Variants in CDH12 observed in about 807,000 individuals in gnomAD.
The protein encoded by CDH12 is cadherin-12.
Under a neutral mutation model 74.1 loss-of-function variants are expected in CDH12, and 41 were observed. The ratio of observed to expected loss-of-function variants is 0.55; its 90% CI spans 0.43 to 0.72. CDH12 has a LOEUF of 0.72. Ranked by LOEUF, CDH12 falls within the 30% of genes least tolerant of loss-of-function variation. CDH12 has a pLI of 0.00. For missense variants in CDH12, 945 were observed against 977.2 expected (o/e 0.97, Z 0.44); for synonymous variants, 399 against 355.0 (o/e 1.12, Z -1.39).
At chr5:22,781,596 C>A (rs182179835) in intron 1 of CDH12, among the ~76,000 whole-genome samples, 15 of 152,134 alleles carry the variant, frequency 9.9e-5, no homozygotes, top group African/African-American at 3.4e-4. Context: ...AGCTGTTATT[C>A]TCAGCAGTAA....
intron 4 of CDH12, among the ~76,000 whole-genome samples, chr5:22,164,011 C>G (rs1420332669): frequency 6.6e-6 from 1 of 152,206 alleles, no homozygotes; most frequent in African/African-American, 2.4e-5. Context: ...TCCCATGAAT[C>G]TGTAGATTCC....
chr5:21,945,945 TA>T (rs1392775001), intron 6 of CDH12, among the ~76,000 whole-genome samples: 2 of 151,462 alleles, frequency 1.3e-5, no homozygotes, highest in African/African-American at 4.9e-5. Context: ...GAGCAAATCT[TA>T]AATAGAATAC....
chr5:22,082,028 C>T (rs1207490600), intron 4 of CDH12, among the ~76,000 whole-genome samples: 1 of 152,164 alleles, frequency 6.6e-6, no homozygotes, highest in East Asian at 1.9e-4. Flanking sequence ...AGTACCGAAG[C>T]TGTTATCTGT....
chr5:22,405,373 T>C (rs1013400688), intron 2 of CDH12, 22 bp from the exon 3 acceptor site: 1 of 738,212 alleles, frequency 1.4e-6, no homozygotes, highest in African/African-American at 1.9e-5. Flanking sequence ...GTAAAGAAAA[T>C]GCTTTAAGAA....
intron 1 of CDH12, among the ~76,000 whole-genome samples, chr5:22,603,835 A>T (rs1382851350): frequency 6.6e-6 from 1 of 152,222 alleles, no homozygotes; most frequent in African/African-American, 2.4e-5. Context: ...ATCACTTTTA[A>T]GGAGCTTTCC....
chr5:22,712,079 G>A (rs1448100289), intron 1 of CDH12, among the ~76,000 whole-genome samples: 1 of 151,840 alleles, frequency 6.6e-6, no homozygotes, highest in Admixed American at 6.6e-5. Context: ...CTAACACAGT[G>A]TAGCACACAC....
At chr5:21,971,280 T>G (rs2910535) in intron 6 of CDH12, among the ~76,000 whole-genome samples, 32,801 of 151,996 alleles carry the variant, frequency 0.22, 5,026 homozygotes, top group African/African-American at 0.43. Context: ...TTCTGACTAA[T>G]TTGGTTCTAA....
chr5:22,156,195 A>G (rs1316776550), intron 4 of CDH12, among the ~76,000 whole-genome samples: 1 of 152,176 alleles, frequency 6.6e-6, no homozygotes, highest in Non-Finnish European at 1.5e-5. Context: ...TACATGTCTC[A>G]TCAGAAGTCA....
At chr5:22,725,822 TA>T (rs1370131382) in intron 1 of CDH12, among the ~76,000 whole-genome samples, 1 of 151,712 alleles carries the variant, frequency 6.6e-6, no homozygotes, top group African/African-American at 2.4e-5. Flanking sequence ...CACCAGAAAC[TA>T]AATTGAGGTC....
intron 6 of CDH12, among the ~76,000 whole-genome samples, chr5:21,914,283 A>T (rs1451318354): frequency 6.6e-6 from 1 of 152,200 alleles, no homozygotes; most frequent in African/African-American, 2.4e-5. Context: ...GAGGATATTA[A>T]ATAGTTTATA....
chr5:22,030,370 G>C (rs541564690), intron 5 of CDH12, among the ~76,000 whole-genome samples: 3 of 152,122 alleles, frequency 2.0e-5, no homozygotes, highest in Non-Finnish European at 4.4e-5. Flanking sequence ...GTATTAGCAG[G>C]CATGAAAACA....
At chr5:21,917,109 G>A (rs915469727) in intron 6 of CDH12, among the ~76,000 whole-genome samples, 1 of 152,082 alleles carries the variant, frequency 6.6e-6, no homozygotes, top group African/African-American at 2.4e-5. Flanking sequence ...TTTCAGGTGT[G>A]GTTTAAGTAC....
chr5:22,204,789 T>C (rs1279284441), intron 4 of CDH12, among the ~76,000 whole-genome samples: 1 of 152,226 alleles, frequency 6.6e-6, no homozygotes, highest in Non-Finnish European at 1.5e-5. Flanking sequence ...TCTCTTTTCC[T>C]GTCTGTCTAA....
chr5:21,967,894 A>G (rs970389334), intron 6 of CDH12, among the ~76,000 whole-genome samples: 14 of 152,184 alleles, frequency 9.2e-5, no homozygotes. Context: ...GCTCAATTTC[A>G]TCAAAAGTGT....
Position 21,792,618 on chromosome 5 carries a change from T to C in CDH12, c.1257-9124A>G, listed in dbSNP as rs113848125. On this transcript the variant is annotated intron_variant, in intron 10 of 14. Transcript: ENST00000382254. ...CTGCCCTTTTTTTTTTTTTTTTTTT[T>C]CTTGGAACAGTCATACACGGTTTCT... Among the ~76,000 whole-genome samples, 966 of 108,068 alleles carry C rather than the reference T, an allele frequency of 8.9e-3. 2 individuals are homozygous for C. Among genetic ancestry groups the C allele is most frequent in the Non-Finnish European group, 0.015 (689 of 45,988 alleles). The allele number at this position is 108,068 out of a possible 152,430, so 70.9% of individuals were successfully genotyped here.
At chr5:22,541,705 A>C (rs1250568003) in intron 1 of CDH12, among the ~76,000 whole-genome samples, 1 of 152,194 alleles carries the variant, frequency 6.6e-6, no homozygotes, top group Non-Finnish European at 1.5e-5. Context: ...TATACCTTTC[A>C]AAATACATTT....
intron 5 of CDH12, among the ~76,000 whole-genome samples, chr5:22,003,351 T>C (rs1251320790): frequency 1.3e-5 from 2 of 152,144 alleles, no homozygotes; most frequent in African/African-American, 4.8e-5. Flanking sequence ...TATTCCGTTA[T>C]CAAAGCAACT....
At chr5:21,762,804 C>T (rs982840564) in intron 12 of CDH12, among the ~76,000 whole-genome samples, 58 of 151,166 alleles carry the variant, frequency 3.8e-4, no homozygotes, top group African/African-American at 1.4e-3. Flanking sequence ...CCATTTGGAG[C>T]ATTACAAATG....
chr5:22,145,167 G>T (rs969308425), intron 4 of CDH12, among the ~76,000 whole-genome samples: 1 of 152,064 alleles, frequency 6.6e-6, no homozygotes, highest in Admixed American at 6.6e-5. Context: ...TGCATTGTGT[G>T]AGAAAATAGC....
Sources: allele counts gnomAD v4.1 joint callset (sites outside exome capture counted in the v4.1 genomes callset), GRCh38; gene constraint gnomAD v4.1.1; transcripts MANE v1.5; gene names NCBI Gene and HGNC (gene_info 2026-07-23, HGNC 2026-07-21).